Variants in ESRRG observed in about 807,000 individuals in gnomAD.
ESRRG encodes estrogen-related receptor gamma.
A neutral mutation model predicts 44.0 loss-of-function variants in ESRRG; 13 were observed. The observed-to-expected ratio is 0.30, with a 90% CI of 0.19 to 0.47. The LOEUF is 0.47. ESRRG is among the 20% of genes least tolerant of loss of function. The probability of loss-of-function intolerance (pLI) is 1.00; values close to 1 mark genes in which losing one functional copy is unlikely to be tolerated. For missense variants in ESRRG, 395 were observed against 580.6 expected (o/e 0.68, Z 3.29); for synonymous variants, 215 against 214.6 (o/e 1.00, Z -0.02).
At chr1:216,546,998 C>T (rs1043342256) in intron 5 of ESRRG, among the ~76,000 whole-genome samples, 1 of 151,822 alleles carries the variant, frequency 6.6e-6, no homozygotes, top group Non-Finnish European at 1.5e-5. Flanking sequence ...TGTTCCACTC[C>T]CTATGTCCAT....
intron 1 of ESRRG, among the ~76,000 whole-genome samples, chr1:216,950,809 C>T (rs116439765): frequency 7.2e-4 from 110 of 152,242 alleles, no homozygotes; most frequent in African/African-American, 2.6e-3. Flanking sequence ...GTTCTGAAAG[C>T]ACATTTCTCT....
In ESRRG at chr1:216,942,482, AC is replaced by A. The variant is rs1211951408; in HGVS notation, c.-105-2810del. ...AGTTCTGTTTTTAGTTATTTGAGAAACCTCCAAACTGCTTTCCACAGAGGCT... is the reference window on the plus strand; with the variant it reads ...AGTTCTGTTTTTAGTTATTTGAGAAACTCCAAACTGCTTTCCACAGAGGCT... On this transcript the variant is annotated intron_variant, in intron 1 of 7. Transcript: ENST00000359162. Among the ~76,000 whole-genome samples the A allele has an allele frequency of 2.0e-5, 3 of 151,968 alleles. No individual in the cohort carries two copies. The East Asian group carries it at 5.8e-4, about 29-fold the overall frequency.
upstream of ESRRG, among the ~76,000 whole-genome samples, chr1:217,094,386 C>A (rs1214217412): frequency 6.6e-6 from 1 of 152,214 alleles, no homozygotes; most frequent in African/African-American, 2.4e-5. Flanking sequence ...TCATGAAGAA[C>A]AGAGGTCTAC....
intron 1 of ESRRG, among the ~76,000 whole-genome samples, chr1:216,944,825 TG>T (rs1316511668): frequency 1.3e-5 from 2 of 152,074 alleles, no homozygotes; most frequent in Admixed American, 1.3e-4. Flanking sequence ...TTTCTCTCTC[TG>T]GGGGAATAAC....
intron 1 of ESRRG, among the ~76,000 whole-genome samples, chr1:217,119,142 T>C (rs935445510): frequency 1.1e-4 from 16 of 152,180 alleles, no homozygotes; most frequent in African/African-American, 3.9e-4. Flanking sequence ...AGAATTCTTA[T>C]GCCAATTTGG....
At chr1:216,562,961 A>G (rs886746612) in intron 5 of ESRRG, among the ~76,000 whole-genome samples, 1 of 152,140 alleles carries the variant, frequency 6.6e-6, no homozygotes, top group Non-Finnish European at 1.5e-5. Flanking sequence ...TTATTTTTCT[A>G]AAAGTCATAC....
chr1:216,764,842 A>G (rs769309940), intron 2 of ESRRG, among the ~76,000 whole-genome samples: 10 of 152,068 alleles, frequency 6.6e-5, no homozygotes, highest in Non-Finnish European at 1.3e-4. Flanking sequence ...GGAACAACAG[A>G]TGCTGCAGGA....
chr1:216,765,376 T>G (rs2093023239), intron 2 of ESRRG, among the ~76,000 whole-genome samples: 1 of 152,176 alleles, frequency 6.6e-6, no homozygotes, highest in Admixed American at 6.6e-5. Flanking sequence ...CATTAAGTTG[T>G]TGGATGCTCA....
At chr1:216,534,231 C>T (rs928517963) in intron 5 of ESRRG, among the ~76,000 whole-genome samples, 1 of 152,088 alleles carries the variant, frequency 6.6e-6, no homozygotes, top group Non-Finnish European at 1.5e-5. Flanking sequence ...TTATAAAAGA[C>T]AGCAAAACCC....
At position 216,903,676 on chromosome 1, in the gene ESRRG, GA is replaced by G. The variant is rs556336168; in HGVS notation, c.-14+35905del. 5.4e-5 allele frequency among the ~76,000 whole-genome samples: 8 copies of G among 147,402 alleles called. No individual in the cohort carries two copies. In the South Asian group the frequency reaches 6.6e-4, roughly 12 times the overall value. Reference sequence around the variant, plus strand: ...GAGAAATACTCAGAGATGCAGAAGAGAAAAAAAAAACACTCTGAAGAGTAAG... The same window carrying G: ...GAGAAATACTCAGAGATGCAGAAGAGAAAAAAAAACACTCTGAAGAGTAAG... On this transcript the variant is annotated intron_variant, in intron 2 of 7. Coordinates refer to the ESRRG transcript ENST00000359162.
At chr1:216,987,339 A>C (rs1029154971) in intron 1 of ESRRG, among the ~76,000 whole-genome samples, 1 of 152,214 alleles carries the variant, frequency 6.6e-6, no homozygotes, top group Non-Finnish European at 1.5e-5. Flanking sequence ...GAAGGAATAC[A>C]ATGCTAGTGG....
At chr1:216,514,376 G>A (rs2043566334) in intron 6 of ESRRG, among the ~76,000 whole-genome samples, 1 of 151,972 alleles carries the variant, frequency 6.6e-6, no homozygotes, top group South Asian at 2.1e-4. Context: ...GGTTTGTTCT[G>A]GGTAAAAATT....
chr1:216,540,027 C>T (rs115157105), intron 5 of ESRRG, among the ~76,000 whole-genome samples: 11 of 151,700 alleles, frequency 7.3e-5, no homozygotes, highest in Non-Finnish European at 1.5e-4. Context: ...TTAAAATAGG[C>T]CCTATTTCTG....
chr1:217,064,634 T>A (rs1377180454), intron 1 of ESRRG, among the ~76,000 whole-genome samples: 2 of 152,182 alleles, frequency 1.3e-5, no homozygotes, highest in Non-Finnish European at 2.9e-5. Context: ...GAGAAAAGCG[T>A]GCAGCTAACA....
At chr1:216,524,726 T>C (rs1302994932) in intron 5 of ESRRG, among the ~76,000 whole-genome samples, 1 of 152,178 alleles carries the variant, frequency 6.6e-6, no homozygotes, top group Non-Finnish European at 1.5e-5. Flanking sequence ...GAACTATTAT[T>C]TTAAAATAGT....
intron 1 of ESRRG, among the ~76,000 whole-genome samples, chr1:216,692,301 T>G (rs924781532): frequency 1.0e-5 from 1 of 97,760 alleles, no homozygotes; most frequent in East Asian, 3.2e-4. Flanking sequence ...TGTGTAGGCC[T>G]AGGCTAGTGT....
chr1:216,969,663 G>T (rs1346961810), intron 1 of ESRRG, among the ~76,000 whole-genome samples: 2 of 152,016 alleles, frequency 1.3e-5, no homozygotes, highest in Non-Finnish European at 2.9e-5. Flanking sequence ...TCAGCTCACC[G>T]CAACCTCCGC....
intron 1 of ESRRG, among the ~76,000 whole-genome samples, chr1:217,022,317 C>T (rs2080451377): frequency 6.6e-6 from 1 of 152,098 alleles, no homozygotes; most frequent in South Asian, 2.1e-4. Flanking sequence ...AAAAATGGTC[C>T]CCAAAATAGG....
intron 2 of ESRRG, among the ~76,000 whole-genome samples, chr1:216,671,988 C>T (rs1466825823): frequency 6.7e-6 from 1 of 149,360 alleles, no homozygotes; most frequent in Non-Finnish European, 1.5e-5. Context: ...CTAGGGGAAA[C>T]TCTTAATGAG....
Sources: gnomAD v4.1 joint callset for allele counts (sites outside exome capture counted in the v4.1 genomes callset) on GRCh38, gnomAD v4.1.1 for gene constraint, MANE v1.5 for transcripts, NCBI Gene and HGNC (gene_info 2026-07-23, HGNC 2026-07-21) for gene names.